HIBCH: variants seen among roughly 807,000 people sequenced by gnomAD.
HIBCH encodes 3-hydroxyisobutyryl-CoA hydrolase, mitochondrial.
HIBCH carries 50 observed loss-of-function variants against 58.2 expected under a neutral mutation model. That is an observed-to-expected ratio of 0.86 (90% CI 0.68 to 1.09). The LOEUF (loss-of-function observed/expected upper bound fraction) is 1.09, where lower values mean the gene tolerates loss of function less well. Among genes scored for constraint, HIBCH ranks in the 50% least tolerant of loss-of-function variants. The pLI is 0.00. For synonymous variants in HIBCH, 151 were observed against 146.9 expected (o/e 1.03, Z -0.20); for missense variants, 450 against 449.7 (o/e 1.00, Z -0.01).
chr2:190,259,372 T>TGTGTGG (rs1553501637), intron 7 of HIBCH, among the ~76,000 whole-genome samples: 1 of 147,030 alleles, frequency 6.8e-6, no homozygotes, highest in Non-Finnish European at 1.5e-5. Flanking sequence ...TGTGTGTCTG[T>TGTGTGG]CTGACTGACA....
intron 6 of HIBCH, among the ~76,000 whole-genome samples, chr2:190,270,228 T>TA (rs889357558): frequency 3.3e-5 from 5 of 150,100 alleles, no homozygotes; most frequent in Non-Finnish European, 5.9e-5. Context: ...AAATAAAATT[T>TA]AAAAAAATGT....
chr2:190,277,932 A>G (rs1687598862), intron 6 of HIBCH, among the ~76,000 whole-genome samples: 1 of 152,220 alleles, frequency 6.6e-6, no homozygotes, highest in African/African-American at 2.4e-5. Flanking sequence ...TTGCTCAGAT[A>G]AAGTGTTAAA....
chr2:190,213,474 G>T, intron 11 of HIBCH: 1 of 217,848 alleles, frequency 4.6e-6, no homozygotes. Context: ...AATCGGCATA[G>T]GTCAGCAAAC....
chr2:190,314,324 T>C (rs1241734381), intron 1 of HIBCH, among the ~76,000 whole-genome samples: 27 of 2,382 alleles, frequency 0.011, no homozygotes, highest in Admixed American at 0.016. Flanking sequence ...TATATATGTA[T>C]ATATGTATAT....
At chr2:190,212,914 C>T in intron 12 of HIBCH, 42 bp downstream of exon 12, 1 of 1,539,850 alleles carries the variant, frequency 6.5e-7, no homozygotes, top group Non-Finnish European at 8.9e-7. Flanking sequence ...ACGTATGTTA[C>T]TTTTAGAACT....
chr2:190,222,187 C>T (rs1685739896), intron 11 of HIBCH, among the ~76,000 whole-genome samples: 1 of 152,152 alleles, frequency 6.6e-6, no homozygotes, highest in African/African-American at 2.4e-5. Flanking sequence ...TGCCCAAAAG[C>T]CCTCAACCCA....
intron 6 of HIBCH, among the ~76,000 whole-genome samples, chr2:190,265,060 T>G (rs943560418): frequency 1.4e-5 from 2 of 142,670 alleles, no homozygotes; most frequent in Admixed American, 1.5e-4. Flanking sequence ...GAGGTGGAGG[T>G]TGCAGTGAGT....
chr2:190,308,326 A>G (rs1323159505), intron 2 of HIBCH, among the ~76,000 whole-genome samples: 2 of 152,180 alleles, frequency 1.3e-5, no homozygotes, highest in African/African-American at 2.4e-5. Context: ...GCTGAATAAA[A>G]TAAGTAAGGG....
At chr2:190,303,393 C>G (rs978738828) in intron 2 of HIBCH, among the ~76,000 whole-genome samples, 1 of 145,538 alleles carries the variant, frequency 6.9e-6, no homozygotes, top group African/African-American at 2.6e-5. Flanking sequence ...AGGGAAAACA[C>G]GAAATGAGTC....
At chr2:190,269,563 T>G (rs1275341230) in intron 6 of HIBCH, among the ~76,000 whole-genome samples, 6 of 151,968 alleles carry the variant, frequency 3.9e-5, no homozygotes. Flanking sequence ...TATTAAGAAG[T>G]CAGGAAACAA....
At position 190,212,862 on chromosome 2, in the gene HIBCH, TTTC is replaced by T. The variant is rs1345957074; in HGVS notation, c.1011+91_1011+93del. On this transcript the variant is annotated intron_variant, in intron 12 of 13. Coordinates refer to ENST00000359678, the MANE Select transcript of HIBCH (RefSeq NM_014362.4). ...GAGTAAATTTACAGGTGGTTTTAAT[TTTC>T]TTGTTTGCACTTAGTGTATTTTACA... is the stretch of plus-strand genomic sequence containing the variant. The T allele has an allele frequency of 7.0e-6, 8 of 1,138,442 alleles. No individual in the cohort carries two copies. In the Admixed American group the frequency reaches 1.5e-4, roughly 21 times the overall value. The allele number at this position is 1,138,442 out of a possible 1,614,324, so 70.5% of individuals were successfully genotyped here.
At chr2:190,260,142 G>A (rs291415) in intron 7 of HIBCH, among the ~76,000 whole-genome samples, 43,857 of 152,050 alleles carry the variant, frequency 0.29, 6,988 homozygotes, top group East Asian at 0.45. Flanking sequence ...TCTTACTTGT[G>A]AATGACATAA....
intron 1 of HIBCH, among the ~76,000 whole-genome samples, chr2:190,319,009 G>A (rs1688778890): frequency 6.6e-6 from 1 of 152,000 alleles, no homozygotes; most frequent in African/African-American, 2.4e-5. Context: ...AATTTAAGTC[G>A]TCCTTATTTT....
chr2:190,289,885 G>C (rs2105984487), intron 5 of HIBCH, among the ~76,000 whole-genome samples: 1 of 152,164 alleles, frequency 6.6e-6, no homozygotes, highest in South Asian at 2.1e-4. Context: ...TTTTCATATT[G>C]ATTTATTTTT....
At chr2:190,244,492 A>G (rs942187587) in intron 11 of HIBCH, among the ~76,000 whole-genome samples, 2 of 152,328 alleles carry the variant, frequency 1.3e-5, no homozygotes, top group Non-Finnish European at 2.9e-5. Context: ...CATATTAAGT[A>G]GAATTTATAG....
At chr2:190,275,503 G>A (rs1422522859) in intron 6 of HIBCH, among the ~76,000 whole-genome samples, 3 of 152,162 alleles carry the variant, frequency 2.0e-5, no homozygotes, top group Non-Finnish European at 4.4e-5. Flanking sequence ...CTAGCTTGAG[G>A]TCCTAAGAGG....
intron 11 of HIBCH, chr2:190,213,931 C>A (rs568429492): frequency 2.0e-5 from 3 of 152,130 alleles, no homozygotes; most frequent in Middle Eastern, 3.2e-3. Context: ...CTTGCAAGAC[C>A]GTCATTAAAA....
intron 1 of HIBCH, among the ~76,000 whole-genome samples, chr2:190,194,313 A>G (rs528601583): frequency 1.3e-5 from 2 of 152,270 alleles, no homozygotes; most frequent in East Asian, 3.9e-4. Flanking sequence ...TAATGTTTTA[A>G]GTCTCCAGCT....
chr2:190,224,295 GC>G (rs1303152224), intron 11 of HIBCH, among the ~76,000 whole-genome samples: 9 of 152,126 alleles, frequency 5.9e-5, no homozygotes, highest in Non-Finnish European at 1.0e-4. Context: ...GATCAAGGAC[GC>G]CTGCCTGCCT....
Sources: gnomAD v4.1 joint callset for allele counts (sites outside exome capture counted in the v4.1 genomes callset) on GRCh38, gnomAD v4.1.1 for gene constraint, MANE v1.5 for transcripts, NCBI Gene and HGNC (gene_info 2026-07-23, HGNC 2026-07-21) for gene names.